ALG13: variants seen among roughly 807,000 people sequenced by gnomAD.
ALG13 encodes the protein ALG13 UDP-N-acetylglucosaminyltransferase subunit, also known as UDP-N-acetylglucosamine transferase subunit ALG13.
ALG13 carries 11 observed loss-of-function variants against 87.8 expected under a neutral mutation model. The observed-to-expected ratio is 0.13, with a 90% CI of 0.08 to 0.21. ALG13 has a LOEUF of 0.21. Among genes scored for constraint, ALG13 ranks in the 10% least tolerant of loss-of-function variants. The probability of loss-of-function intolerance (pLI) is 1.00; values close to 1 mark genes in which losing one functional copy is unlikely to be tolerated. For synonymous variants in ALG13, 320 were observed against 306.3 expected, an observed-to-expected ratio of 1.04 and a Z score of -0.47; for missense variants, 756 against 866.1, an observed-to-expected ratio of 0.87 and a Z score of 1.60.
At position 111,708,170 on chromosome X, in the gene ALG13, C is replaced by A; in HGVS notation, c.527C>A (p.Thr176Asn). The A allele has an allele frequency of 8.3e-7, 1 of 1,211,840 alleles. No homozygotes were observed. Among genetic ancestry groups the A allele is most frequent in the Non-Finnish European group, 1.1e-6 (1 of 895,463 alleles). The change falls in exon 4 of 27, where the codon ACT becomes AAT. Residue 176 changes from threonine to asparagine, a missense_variant. This residue lies in a region of ALG13 where 153 missense variants were observed against 168.7 expected (regional missense o/e 0.91). Coordinates refer to ENST00000394780, the MANE Select transcript of ALG13 (RefSeq NM_001099922.3). Reference sequence around the variant, plus strand: ...TACCTGCATAAGCAAGCCCTTGTTACTGCTACCCATCCTACCTGCACCCTG... The same window carrying A: ...TACCTGCATAAGCAAGCCCTTGTTAATGCTACCCATCCTACCTGCACCCTG... ...SGYLHKQALVTATHPTCTLLF... is the reference protein window; with the variant it reads ...SGYLHKQALVNATHPTCTLLF...
chrX:111,692,617 G>A (rs1936323687), intron 3 of ALG13, among the ~76,000 whole-genome samples: 1 of 111,240 alleles, frequency 9.0e-6, no homozygotes, highest in Admixed American at 9.6e-5. Flanking sequence ...TATAAGAATA[G>A]CATCCCAAAT....
intron 21 of ALG13, chrX:111,734,305 C>T (rs190682014): frequency 8.9e-6 from 1 of 112,703 alleles, no homozygotes; most frequent in African/African-American, 3.2e-5. Context: ...AAATGTTTCT[C>T]TAGAAGCATT....
chrX:111,744,033 C>A (rs1034467319), intron 23 of ALG13, among the ~76,000 whole-genome samples: 15 of 111,508 alleles, frequency 1.3e-4, no homozygotes, highest in African/African-American at 4.9e-4. Flanking sequence ...ATAATTACAT[C>A]TGAATTTCTT....
Position 111,684,975 on chromosome X carries a change from C to A in ALG13, c.255C>A (p.Ser85Arg). ...GATTTATATTTGTAGGTGCAGGAAG[C>A]TGTTTGGAGACTCTGGAAAAAGGAA... ...DLVISHAGAG[S>R]CLETLEKGKP... Residue 85 changes from serine to arginine, a missense_variant, in exon 3 of 27, where the codon AGC (serine) becomes AGA (arginine). Around this residue, in one of 9 missense-constraint regions of ALG13, gnomAD observed 153 missense variants for 168.7 expected, o/e 0.91. Transcript: ENST00000394780. 1 of 1,206,401 alleles carries A rather than the reference C, an allele frequency of 8.3e-7. No homozygotes were observed. Among genetic ancestry groups the A allele is most frequent in the Admixed American group, 2.2e-5 (1 of 44,889 alleles).
intron 21 of ALG13, among the ~76,000 whole-genome samples, chrX:111,732,761 A>C (rs1272101672): frequency 1.8e-5 from 2 of 111,436 alleles, no homozygotes; most frequent in Middle Eastern, 8.4e-3. Context: ...GGAGAAGAAA[A>C]CTCTGATACG....
chrX:111,736,995 T>A, intron 23 of ALG13, 116 bp downstream of exon 23: 1 of 623,404 alleles, frequency 1.6e-6, no homozygotes, highest in Non-Finnish European at 2.3e-6. Context: ...TAAATTTATT[T>A]AACCTACTTA....
chrX:111,703,662 T>TAA (rs2090290172), intron 3 of ALG13, among the ~76,000 whole-genome samples: 1 of 112,446 alleles, frequency 8.9e-6, no homozygotes, highest in African/African-American at 3.2e-5. Context: ...CTTCGCATGT[T>TAA]ACATTTGAGA....
chrX:111,684,945 A>C lies in ALG13; in HGVS notation c.245-20A>C, dbSNP rs747784575. On this transcript the variant is annotated intron_variant, in intron 2 of 26. Transcript: ENST00000394780. ...AACTTATTTCAAATTGTGTTGAACA[A>C]ATTTGATTTATATTTGTAGGTGCAG... The C allele has an allele frequency of 8.4e-7, 1 of 1,187,172 alleles. No homozygotes were observed. The highest frequency in any genetic ancestry group is 1.8e-5 in the African/African-American group (1 of 56,383).
chrX:111,736,977 T>A, intron 23 of ALG13, 98 bp downstream of exon 23: 1 of 723,895 alleles, frequency 1.4e-6, no homozygotes, highest in Non-Finnish European at 1.9e-6. Flanking sequence ...TACTTTAATT[T>A]CCAGAATTAA....
chrX:111,726,325 T>C (rs1354260156), intron 15 of ALG13, among the ~76,000 whole-genome samples: 2 of 104,722 alleles, frequency 1.9e-5, no homozygotes, highest in Non-Finnish European at 3.9e-5. Flanking sequence ...CCTCCACCTT[T>C]CGGGCTCAAG....
rs1053939228 is a variant in ALG13 at position 111,746,389 on chromosome X, T to C, written c.2932+1485T>C. Among the ~76,000 whole-genome samples, 35 of 112,337 alleles carry C rather than the reference T, an allele frequency of 3.1e-4. No individual in the cohort carries two copies. In the Admixed American group the frequency reaches 3.3e-3, roughly 11 times the overall value. On this transcript the variant is annotated intron_variant, in intron 24 of 26. Transcript: ENST00000394780. ...ACTTTTTTCTACCATAGATTAGTTT[T>C]ACCTGTTTTAGAATTTTATAGAAAT...
At chrX:111,725,823 G>A (rs1941933644) in intron 15 of ALG13, among the ~76,000 whole-genome samples, 1 of 112,281 alleles carries the variant, frequency 8.9e-6, no homozygotes, top group African/African-American at 3.2e-5. Flanking sequence ...ACCTGAGGGG[G>A]AAAAATATTT....
At chrX:111,740,867 TAATC>T (rs1419142933) in intron 23 of ALG13, among the ~76,000 whole-genome samples, 1 of 112,535 alleles carries the variant, frequency 8.9e-6, no homozygotes, top group Non-Finnish European at 1.9e-5. Context: ...GAACATGAAA[TAATC>T]AAACATTTAT....
At chrX:111,703,014 G>T (rs1256357440) in intron 3 of ALG13, among the ~76,000 whole-genome samples, 1 of 110,906 alleles carries the variant, frequency 9.0e-6, no homozygotes, top group Non-Finnish European at 1.9e-5. Context: ...TGTATAAACT[G>T]TTCTTCTTCT....
Position 111,726,932 on chromosome X carries a change from G to C in ALG13, c.1853G>C (p.Ser618Thr), listed in dbSNP as rs1194966893. 2.9e-5 allele frequency: 35 copies of C among 1,209,825 alleles called. No individual in the cohort carries two copies. The highest frequency in any genetic ancestry group is 3.8e-5 in the Non-Finnish European group (34 of 895,193). Reference protein sequence around the residue: ...DPLLPPRLQHSMHYGHDPPMH... With the variant: ...DPLLPPRLQHTMHYGHDPPMH... The stretch of plus-strand genomic sequence containing the variant: ...CTCCTCCCACCCAGGCTGCAGCACA[G>C]TATGCATTATGGGCACGATCCTCCA... Residue 618 changes from serine (S) to threonine (T), a missense_variant, in exon 16 of 27, where the codon AGT (serine) becomes ACT (threonine). Coordinates refer to ENST00000394780, the MANE Select transcript of ALG13 (RefSeq NM_001099922.3).
At chrX:111,709,973 T>A (rs1023919676) in intron 5 of ALG13, among the ~76,000 whole-genome samples, 50 of 111,111 alleles carry the variant, frequency 4.5e-4, no homozygotes, top group Non-Finnish European at 2.8e-4. Flanking sequence ...CACCTGGAGA[T>A]CTTGTTAAAA....
At chrX:111,725,824 A>G (rs1028581583) in intron 15 of ALG13, among the ~76,000 whole-genome samples, 2 of 112,370 alleles carry the variant, frequency 1.8e-5, no homozygotes, top group African/African-American at 6.5e-5. Flanking sequence ...CCTGAGGGGG[A>G]AAAATATTTC....
rs368393878 is a variant in ALG13 at position 111,713,191 on chromosome X, T to C, written c.933-34T>C. 3.7e-5 allele frequency: 38 copies of C among 1,027,254 alleles called. No individual in the cohort carries two copies. In the African/African-American group the frequency reaches 5.9e-4, roughly 16 times the overall value. 84.7% of individuals were successfully genotyped at this position (1,027,254 alleles called of 1,213,427 possible). ...ACTATCTCTTACGTATGCCAAATTATGTCTTCCCACTTACCTTTGTTTTCC... is the reference window on the plus strand; with the variant it reads ...ACTATCTCTTACGTATGCCAAATTACGTCTTCCCACTTACCTTTGTTTTCC... On this transcript the variant is annotated intron_variant, in intron 7 of 26. Transcript: ENST00000394780.
intron 9 of ALG13, 87 bp from the exon 10 acceptor site, chrX:111,718,025 C>T: frequency 9.3e-7 from 1 of 1,074,136 alleles, no homozygotes; most frequent in Non-Finnish European, 1.3e-6. Context: ...TTGTTGGTAC[C>T]TATTTGCACG....
Sources: allele counts gnomAD v4.1 joint callset (sites outside exome capture counted in the v4.1 genomes callset), GRCh38; gene constraint gnomAD v4.1.1; regional missense constraint gnomAD v4.1.1; transcripts MANE v1.5; gene names NCBI Gene and HGNC (gene_info 2026-07-23, HGNC 2026-07-21).